Variants in PROM2 observed in about 807,000 individuals in gnomAD.
PROM2 encodes prominin-2.
In PROM2, 90 loss-of-function variants were observed where a neutral mutation model predicts 110.2. That is an observed-to-expected ratio of 0.82 (90% CI 0.69 to 0.97). PROM2 has a LOEUF of 0.97. Among genes scored for constraint, PROM2 ranks in the 50% least tolerant of loss-of-function variants. The pLI is 0.00. For synonymous variants in PROM2, 470 were observed against 467.8 expected, an observed-to-expected ratio of 1.00 and a Z score of -0.06; for missense variants, 1,009 against 1,074.8, an observed-to-expected ratio of 0.94 and a Z score of 0.86.
chr2:95,288,448 G>A (rs377419451), intron 21 of PROM2, 35 bp from the exon 22 acceptor site: 64 of 1,605,566 alleles, frequency 4.0e-5, no homozygotes, highest in Admixed American at 5.0e-5. Context: ...TGGGTGCCAC[G>A]TGGGTTGGTG....
chr2:95,281,445 A>C, intron 12 of PROM2, 80 bp downstream of exon 12: 6 of 145,070 alleles, frequency 4.1e-5, no homozygotes, highest in Non-Finnish European at 5.5e-5. Flanking sequence ...GTTGGGGGAA[A>C]GTGGGGGTCG....
Position 95,276,883 on chromosome 2 carries a change from C to A in PROM2, c.683-89C>A, listed in dbSNP as rs1206348552. The A allele has an allele frequency of 1.4e-6, 2 of 1,396,358 alleles. No homozygotes were observed. The highest frequency in any genetic ancestry group is 4.0e-5 in the Admixed American group (2 of 50,122). The allele number at this position is 1,396,358 out of a possible 1,614,324, so 86.5% of individuals were successfully genotyped here. A position where few individuals can be genotyped will look rare whatever the true frequency, so the allele number is the denominator to read the frequency against. On this transcript the variant is annotated intron_variant, in intron 5 of 23. Coordinates refer to ENST00000317620, the MANE Select transcript of PROM2 (RefSeq NM_001165978.3). The surrounding 1 kb of genome is among the most constrained non-coding windows in gnomAD (Gnocchi z 4.6). ...CCTCCACCCCCCGGCTCCTGCAGAG[C>A]CCGGTGGGGCCTGGGGAGGCAGGAT...
In PROM2 at chr2:95,274,836, G is replaced by T; in HGVS notation, c.244+7G>T. ...CTCAATCCTTTCCCTTCAGGTGAGT[G>T]TGCCCCTCCCCCATGAGGGCCTCAG... On this transcript the variant is annotated splice_region_variant and intron_variant, in intron 1 of 23. Transcript: ENST00000317620. The T allele has an allele frequency of 6.5e-7, 1 of 1,542,788 alleles. No homozygotes were observed. The highest frequency in any genetic ancestry group is 8.8e-7 in the Non-Finnish European group (1 of 1,142,740).
In PROM2 at chr2:95,288,584, C is replaced by A; in HGVS notation, c.2436C>A (p.Arg812=). 2 of 1,613,596 alleles carry A rather than the reference C, an allele frequency of 1.2e-6. No individual in the cohort carries two copies. The highest frequency in any genetic ancestry group is 1.7e-6 in the Non-Finnish European group (2 of 1,179,586). Residue 812 remains arginine, a synonymous_variant, in exon 22 of 24, where the codon CGC becomes CGA. Transcript: ENST00000317620. ...AATACTTCCGTCCTATCCGGAAACGCCTCAGGTGAGGGGCTGCCAGGGCTG... is the reference window on the plus strand; with the variant it reads ...AATACTTCCGTCCTATCCGGAAACGACTCAGGTGAGGGGCTGCCAGGGCTG... The part of the protein sequence containing the change: ...TSKYFRPIRK[R]LSSTSSEETQ...
In PROM2 at chr2:95,274,532, GC is replaced by G. The variant is rs1676528884; in HGVS notation, c.-51del. The G allele has an allele frequency of 6.6e-7, 1 of 1,512,116 alleles. No individual in the cohort carries two copies. Among genetic ancestry groups the G allele is most frequent in the Non-Finnish European group, 8.9e-7 (1 of 1,128,418 alleles). 93.7% of individuals were successfully genotyped at this position (1,512,116 alleles called of 1,614,324 possible). On this transcript the variant is annotated 5_prime_UTR_variant, in exon 1 of 24. An upstream open reading frame in the 5' UTR gains an earlier in-frame stop. Coordinates refer to ENST00000317620, the MANE Select transcript of PROM2 (RefSeq NM_001165978.3). ...GAGGCTGGAGAAGGATGTATGGCCT[GC>G]CCTGGGCTTGTCTGTTCCCTCCTGA...
rs2104574784 is a variant in PROM2 at position 95,277,435 on chromosome 2, G to T, written c.844G>T (p.Asp282Tyr). The stretch of plus-strand genomic sequence containing the variant: ...GGTAGAGCTGCAGGCCGGGCAGCAG[G>T]ACCTGGAGCCAGCCATCCGGGAACA... ...TVVELQAGQQ[D>Y]LEPAIREHRD... Residue 282 changes from aspartate (D) to tyrosine (Y), a missense_variant, in exon 7 of 24, where the codon GAC (aspartate) becomes TAC (tyrosine). Physicochemically the swap from Asp to Tyr is radical, Grantham distance 160 (BLOSUM62 -3). Transcript: ENST00000317620. The T allele has an allele frequency of 6.2e-7, 1 of 1,613,326 alleles. No individual in the cohort carries two copies. The highest frequency in any genetic ancestry group is 8.5e-7 in the Non-Finnish European group (1 of 1,179,912).
chr2:95,283,433 G>C (rs1248813507), intron 14 of PROM2, among the ~76,000 whole-genome samples: 5 of 152,274 alleles, frequency 3.3e-5, no homozygotes, highest in Non-Finnish European at 7.3e-5. Context: ...TGGGTAGGCA[G>C]ACATGAGTAA....
At position 95,279,154 on chromosome 2, in the gene PROM2, A is replaced by AT; in HGVS notation, c.1274+10_1274+11insT. On this transcript the variant is annotated intron_variant, in intron 10 of 23. Transcript: ENST00000317620. Reference sequence around the variant, plus strand: ...GATACGAGACCTACAGGTGCTGGGCACCGCAGGGTGGGATGGGGTGGGGTG... The same window carrying AT: ...GATACGAGACCTACAGGTGCTGGGCATCCGCAGGGTGGGATGGGGTGGGGTG... The AT allele has an allele frequency of 7.2e-7, 1 of 1,382,724 alleles. No individual in the cohort carries two copies. The highest frequency in any genetic ancestry group is 9.7e-7 in the Non-Finnish European group (1 of 1,035,086). 85.7% of individuals were successfully genotyped at this position (1,382,724 alleles called of 1,614,324 possible).
chr2:95,279,161 G>A lies in PROM2; in HGVS notation c.1274+17G>A. 2 of 1,364,520 alleles carry A rather than the reference G, an allele frequency of 1.5e-6. No individual in the cohort carries two copies. Among genetic ancestry groups the A allele is most frequent in the South Asian group, 1.4e-5 (1 of 69,396 alleles). 84.5% of individuals were successfully genotyped at this position (1,364,520 alleles called of 1,614,324 possible). On this transcript the variant is annotated intron_variant, in intron 10 of 23. Coordinates refer to ENST00000317620, the MANE Select transcript of PROM2 (RefSeq NM_001165978.3). ...GACCTACAGGTGCTGGGCACCGCAG[G>A]GTGGGATGGGGTGGGGTGGGGTGGG...
rs1212850772 is a variant in PROM2, at chr2:95,275,824, C to A, written c.295-106C>A. On this transcript the variant is annotated intron_variant, in intron 2 of 23. Coordinates refer to ENST00000317620, the MANE Select transcript of PROM2 (RefSeq NM_001165978.3). This position sits in a 1 kb window ranked among gnomAD's most constrained non-coding sequence, Gnocchi z 4.4. The stretch of plus-strand genomic sequence containing the variant: ...CGGGTTCCATGAGATGCAGGCCATG[C>A]CCCTGACGGCACTCCCGCCCCTTCT... 4 of 1,523,160 alleles carry A rather than the reference C, an allele frequency of 2.6e-6. No homozygotes were observed. The South Asian group carries it at 4.9e-5, about 19-fold the overall frequency. 94.4% of individuals were successfully genotyped at this position (1,523,160 alleles called of 1,614,324 possible).
At chr2:95,278,348 T>C in intron 8 of PROM2, 1 of 519,090 alleles carries the variant, frequency 1.9e-6, no homozygotes, top group Non-Finnish European at 3.5e-6. Flanking sequence ...GCTGGGGAAA[T>C]GATGAGTCAG....
chr2:95,286,185 C>T (rs1256635302), intron 16 of PROM2, among the ~76,000 whole-genome samples: 1 of 152,170 alleles, frequency 6.6e-6, no homozygotes, highest in Non-Finnish European at 1.5e-5. Context: ...TCCCATAGGC[C>T]CCACAACAAC....
At position 95,277,944 on chromosome 2, in the gene PROM2, C is replaced by A. The variant is rs376108060; in HGVS notation, c.990C>A (p.Asp330Glu). ...CCCCATTTCAGGTGCCCTCTGTGGA[C>A]CATGTCCTGCACCAGCTAAAAGGTG... ...GADFSQVPSV[D>E]HVLHQLKGVP... The change falls in exon 8 of 24, where the codon GAC becomes GAA. Residue 330 changes from aspartate to glutamate, a missense_variant. Coordinates refer to ENST00000317620, the MANE Select transcript of PROM2 (RefSeq NM_001165978.3). 1 of 1,612,328 alleles carries A rather than the reference C, an allele frequency of 6.2e-7. No individual in the cohort carries two copies. Among genetic ancestry groups the A allele is most frequent in the Non-Finnish European group, 8.5e-7 (1 of 1,179,550 alleles).
At chr2:95,288,889 T>A in intron 22 of PROM2, 44 bp from the exon 23 acceptor site, 3 of 1,582,382 alleles carry the variant, frequency 1.9e-6, no homozygotes, top group Non-Finnish European at 2.6e-6. Flanking sequence ...GGGCTGAGGG[T>A]CTGGGGGGAA....
In PROM2 at chr2:95,275,317, C is replaced by T. The variant is rs992478724; in HGVS notation, c.245-144C>T. The T allele has an allele frequency of 8.5e-5, 62 of 728,474 alleles. No individual in the cohort carries two copies. The highest frequency in any genetic ancestry group is 1.3e-4 in the Non-Finnish European group (55 of 435,936). 45.1% of individuals were successfully genotyped at this position (728,474 alleles called of 1,614,324 possible). ...GTCAGGGCAGGATGGCACAGGGCTG[C>T]GGTGATGCAGCCTTCTGCGAGGGTG... is the stretch of plus-strand genomic sequence containing the variant. On this transcript the variant is annotated intron_variant, in intron 1 of 23. Transcript: ENST00000317620. This position sits in a 1 kb window ranked among gnomAD's most constrained non-coding sequence, Gnocchi z 4.4.
chr2:95,285,788 G>A, intron 16 of PROM2, 78 bp downstream of exon 16: 1 of 1,396,440 alleles, frequency 7.2e-7, no homozygotes, highest in Non-Finnish European at 9.9e-7. Flanking sequence ...GGGAGGATGT[G>A]AGGGCAAAGG....
In PROM2 at chr2:95,289,000, C is replaced by T; in HGVS notation, c.*4C>T. On this transcript the variant is annotated 3_prime_UTR_variant, in exon 23 of 24. Coordinates refer to ENST00000317620, the MANE Select transcript of PROM2 (RefSeq NM_001165978.3). ...GGTTACCTCCCTGAAGCTGTAGGGC[C>T]TTGTGGGTGAGTTTTCCCCAACTCG... The T allele has an allele frequency of 6.3e-7, 1 of 1,597,792 alleles. No homozygotes were observed. The highest frequency in any genetic ancestry group is 8.5e-7 in the Non-Finnish European group (1 of 1,169,864).
Position 95,274,682 on chromosome 2 carries a change from C to A in PROM2, c.97C>A (p.Leu33Ile). The A allele has an allele frequency of 1.9e-6, 3 of 1,613,040 alleles. No homozygotes were observed. The highest frequency in any genetic ancestry group is 2.5e-6 in the Non-Finnish European group (3 of 1,179,876). Residue 33 changes from leucine (L) to isoleucine (I), a missense_variant, in exon 1 of 24, where the codon CTT (leucine) becomes ATT (isoleucine). Physicochemically the swap from Leu to Ile is conservative, Grantham distance 5. Coordinates refer to ENST00000317620, the MANE Select transcript of PROM2 (RefSeq NM_001165978.3). ...TGCAGGGGCCACAGACTGCAAGTTC[C>A]TTGGCCCGGCAGAGCACCTGACATT... Reference protein sequence around the residue: ...LAAGATDCKFLGPAEHLTFTP... With the variant: ...LAAGATDCKFIGPAEHLTFTP...
rs1261305251 is a variant in PROM2 at position 95,275,793 on chromosome 2, C to A, written c.295-137C>A. On this transcript the variant is annotated intron_variant, in intron 2 of 23. Transcript: ENST00000317620. The surrounding 1 kb of genome is among the most constrained non-coding windows in gnomAD (Gnocchi z 4.4). ...ATGAGCAGTAAGAATGCGGTCACCT[C>A]TGGGACGGGTTCCATGAGATGCAGG... 2.7e-6 allele frequency: 4 copies of A among 1,495,230 alleles called. No individual in the cohort carries two copies. The African/African-American group carries it at 5.5e-5, about 21-fold the overall frequency. The allele number at this position is 1,495,230 out of a possible 1,614,324, so 92.6% of individuals were successfully genotyped here.
Sources: gnomAD v4.1 joint callset for allele counts (sites outside exome capture counted in the v4.1 genomes callset) on GRCh38, gnomAD v4.1.1 for gene constraint, Gnocchi (gnomAD v3.1) non-coding constraint, MANE v1.5 for transcripts, NCBI Gene and HGNC (gene_info 2026-07-23, HGNC 2026-07-21) for gene names.